TTN: variants seen among roughly 807,000 people sequenced by gnomAD.
TTN encodes connectin.
In TTN, 1,525 loss-of-function variants were observed where a neutral mutation model predicts 3,223.0. The observed-to-expected ratio is 0.47, with a 90% confidence interval of 0.45 to 0.49. The LOEUF (loss-of-function observed/expected upper bound fraction) is 0.49, where lower values mean the gene tolerates loss of function less well. TTN is among the 20% of genes least tolerant of loss of function. The probability of loss-of-function intolerance (pLI) is 0.00; values close to 1 mark genes in which losing one functional copy is unlikely to be tolerated. For missense variants in TTN, 40,786 were observed against 43,424.0 expected (o/e 0.94, Z 5.40); for synonymous variants, 14,094 against 15,161.0 (o/e 0.93, Z 5.17).
rs749986997 is a variant in TTN at position 178,614,143 on chromosome 2, A to C, written c.49254T>G (p.Asn16418Lys). Residue 16418 changes from asparagine (N) to lysine (K), a missense_variant, in exon 262 of 363, where the codon AAT becomes AAG. Coordinates refer to ENST00000589042, the MANE Select transcript of TTN (RefSeq NM_001267550.2). ...CAGCAACTCTGAAGATGTACTCTTT[A>C]TTGGGGATTAATTTGGTGGCCTTGA... ...TNFKATKLIP[N>K]KEYIFRVAAE... 1 of 1,612,382 alleles carries C rather than the reference A, an allele frequency of 6.2e-7. No homozygotes were observed. The highest frequency in any genetic ancestry group is 1.3e-5 in the African/African-American group (1 of 74,900).
In TTN at chr2:178,718,907, G is replaced by C. The variant is rs2077908653; in HGVS notation, c.24293C>G (p.Thr8098Ser). 2 of 1,613,098 alleles carry C rather than the reference G, an allele frequency of 1.2e-6. No individual in the cohort carries two copies. Among genetic ancestry groups the C allele is most frequent in the Non-Finnish European group, 1.7e-6 (2 of 1,179,572 alleles). The change falls in exon 84 of 363, where the codon ACC becomes AGC. Residue 8098 changes from threonine to serine, a missense_variant. By Grantham distance (58) the Thr-to-Ser change is moderately conservative (BLOSUM62 1). Transcript: ENST00000589042. ...AGGAGGGGTGCCTCTGATGACACTG[G>C]TGAATGTGAGGCTCATTCCAGGCAA... ...EVLPGMSLTF[T>S]SVIRGTPPFK... is the part of the protein sequence containing the mutation.
At chr2:178,558,262 G>T in intron 327 of TTN, 27 bp from the exon 328 acceptor site, 1 of 1,589,480 alleles carries the variant, frequency 6.3e-7, no homozygotes, top group Non-Finnish European at 8.5e-7. Context: ...GAAAGTGAAA[G>T]TGAAAAAGTG....
rs185683410 is a variant in TTN at position 178,532,364 on chromosome 2, C to G, written c.104251G>C (p.Ala34751Pro). 1,499 of 1,614,034 alleles carry G rather than the reference C, an allele frequency of 9.3e-4. 20 individuals carry two copies. The highest frequency in any genetic ancestry group is 2.1e-3 in the Middle Eastern group (13 of 6,062). Residue 34751 changes from alanine (A) to proline (P), a missense_variant, in exon 358 of 363, where the codon GCC becomes CCC. By Grantham distance (27) the Ala-to-Pro change is conservative. Coordinates refer to ENST00000589042, the MANE Select transcript of TTN (RefSeq NM_001267550.2). ...TTTGGCTGTCTGTACGCAGCCTGGGCATGCCGTTCCCTCAGTTCTGCATAA... is the reference window on the plus strand; with the variant it reads ...TTTGGCTGTCTGTACGCAGCCTGGGGATGCCGTTCCCTCAGTTCTGCATAA... ...TSYAELRERHAQAAYRQPKQR... is the reference protein window; with the variant it reads ...TSYAELRERHPQAAYRQPKQR...
chr2:178,804,977 T>G (rs1289174845), intron 1 of TTN, among the ~76,000 whole-genome samples: 1 of 152,058 alleles, frequency 6.6e-6, no homozygotes, highest in Non-Finnish European at 1.5e-5. Flanking sequence ...GGTTCAGAGT[T>G]GAAGAAGAAA....
chr2:178,722,341 G>A lies in TTN; in HGVS notation c.22446C>T (p.Asp7482=). Residue 7482 remains aspartate, a synonymous_variant, in exon 77 of 363, where the codon GAC becomes GAT. Coordinates refer to ENST00000589042, the MANE Select transcript of TTN (RefSeq NM_001267550.2). ...NVATLKILQT[D]LSHSGQYSCS... ...AAGAGTACTGGCCAGAGTGACTCAA[G>A]TCAGTTTGCAAAATTTTTAAAGTTG... is the stretch of plus-strand genomic sequence containing the variant. 4 of 1,613,228 alleles carry A rather than the reference G, an allele frequency of 2.5e-6. No individual in the cohort carries two copies. Among genetic ancestry groups the A allele is most frequent in the Non-Finnish European group, 3.4e-6 (4 of 1,179,504 alleles).
Position 178,568,099 on chromosome 2 carries a change from C to A in TTN, c.78033G>T (p.Trp26011Cys). ...AISKDSMVIQ[W>C]HEPVNNGGSP... is the part of the protein sequence containing the mutation. Reference sequence around the variant, plus strand: ...TTCCACCATTGTTGACTGGTTCATGCCACTGTATGACCATGGAGTCTTTGG... The same window carrying A: ...TTCCACCATTGTTGACTGGTTCATGACACTGTATGACCATGGAGTCTTTGG... Residue 26011 changes from tryptophan to cysteine, a missense_variant, in exon 326 of 363, where the codon TGG becomes TGT. Trp to Cys is a radical substitution (Grantham distance 215). Transcript: ENST00000589042. The A allele has an allele frequency of 6.2e-7, 1 of 1,613,402 alleles. No homozygotes were observed. The highest frequency in any genetic ancestry group is 1.1e-5 in the South Asian group (1 of 91,062).
chr2:178,749,457 T>C (rs1332070656), intron 47 of TTN: 2 of 1,612,850 alleles, frequency 1.2e-6, no homozygotes, highest in African/African-American at 1.3e-5. Context: ...ATTTGCTCAA[T>C]AGTCTCAAGG....
Position 178,613,833 on chromosome 2 carries a change from C to G in TTN, c.49450G>C (p.Gly16484Arg), listed in dbSNP as rs878966291. Residue 16484 changes from glycine (G) to arginine (R), a missense_variant, in exon 263 of 363, where the codon GGA becomes CGA. Transcript: ENST00000589042. ...GGATCCAGTCTTTCAACCCAGTATC[C>G]TGTGATTGGGCTGCCACCATCATCA... ...PDDDGGSPITGYWVERLDPDT... is the reference protein window; with the variant it reads ...PDDDGGSPITRYWVERLDPDT... 3 of 1,612,554 alleles carry G rather than the reference C, an allele frequency of 1.9e-6. No homozygotes were observed.
chr2:178,673,253 AG>A (rs1204568860), intron 152 of TTN, among the ~76,000 whole-genome samples: 1 of 151,874 alleles, frequency 6.6e-6, no homozygotes, highest in African/African-American at 2.4e-5. Flanking sequence ...TCCAAGCATT[AG>A]GTTTGTTCCA....
Position 178,559,946 on chromosome 2 carries a change from T to C in TTN, c.86186A>G (p.Asn28729Ser), listed in dbSNP as rs1703025837. ...ACTGGGGTCACTAGCACCAACCTTATTGACAGATTTTACTCTGAAAACATA... is the reference window on the plus strand; with the variant it reads ...ACTGGGGTCACTAGCACCAACCTTACTGACAGATTTTACTCTGAAAACATA... ...AEYVFRVKSV[N>S]KVGASDPSDS... Residue 28729 changes from asparagine (N) to serine (S), a missense_variant, in exon 326 of 363, where the codon AAT (asparagine) becomes AGT (serine). Physicochemically the swap from Asn to Ser is conservative, Grantham distance 46 (BLOSUM62 1). Transcript: ENST00000589042. The C allele has an allele frequency of 8.1e-6, 13 of 1,613,702 alleles. No individual in the cohort carries two copies. The East Asian group carries it at 2.5e-4, about 30-fold the overall frequency.
rs1559027075 is a variant in TTN at position 178,533,553 on chromosome 2, T to C, written c.103062A>G (p.Pro34354=). The part of the protein sequence containing the change: ...CKAKLTVTLH[P]PPTDSTLRPM... Reference sequence around the variant, plus strand: ...GTCTTAAGGTACTATCTGTTGGAGGTGGGTGTAGGGTTACTGTCAGCTTTG... The same window carrying C: ...GTCTTAAGGTACTATCTGTTGGAGGCGGGTGTAGGGTTACTGTCAGCTTTG... Residue 34354 remains proline, a synonymous_variant, in exon 358 of 363, where the codon CCA becomes CCG. Coordinates refer to ENST00000589042, the MANE Select transcript of TTN (RefSeq NM_001267550.2). 6.2e-7 allele frequency: 1 copy of C among 1,613,914 alleles called. No individual in the cohort carries two copies. Among genetic ancestry groups the C allele is most frequent in the Non-Finnish European group, 8.5e-7 (1 of 1,179,842 alleles).
chr2:178,686,113 A>ATTTTTTTT lies in TTN; in HGVS notation c.32312-523_32312-516dup, dbSNP rs765570520. Among the ~76,000 whole-genome samples, 668 of 77,776 alleles carry ATTTTTTTT rather than the reference A, an allele frequency of 8.6e-3. 102 individuals carry two copies. Among genetic ancestry groups the ATTTTTTTT allele is most frequent in the African/African-American group, 0.039 (590 of 15,066 alleles). The allele number at this position is 77,776 out of a possible 152,430, so 51.0% of individuals were successfully genotyped here. Reference sequence around the variant, plus strand: ...TTGAGCCTAAGTGTATACAGTTTTAATTTTTTTTTTTTTTTTTTTTTTTTT... The same window carrying ATTTTTTTT: ...TTGAGCCTAAGTGTATACAGTTTTAATTTTTTTTTTTTTTTTTTTTTTTTTTTTTTTTT... On this transcript the variant is annotated intron_variant, in intron 127 of 362. Coordinates refer to ENST00000589042, the MANE Select transcript of TTN (RefSeq NM_001267550.2).
Position 178,534,998 on chromosome 2 carries a change from T to C in TTN, c.101617A>G (p.Arg33873Gly). The change falls in exon 358 of 363, where the codon AGA (arginine) becomes GGA (glycine). Residue 33873 changes from arginine (R) to glycine (G), a missense_variant. Physicochemically the swap from Arg to Gly is moderately radical, Grantham distance 125. Coordinates refer to ENST00000589042, the MANE Select transcript of TTN (RefSeq NM_001267550.2). The part of the protein sequence containing the change: ...EISILNIARH[R>G]NILHLHESFE... Reference sequence around the variant, plus strand: ...GATTCATGGAGGTGTAAGATGTTTCTATGCCTAGCAATATTCAGAATGGAA... The same window carrying C: ...GATTCATGGAGGTGTAAGATGTTTCCATGCCTAGCAATATTCAGAATGGAA... 6.2e-7 allele frequency: 1 copy of C among 1,613,838 alleles called. No individual in the cohort carries two copies. The highest frequency in any genetic ancestry group is 1.1e-5 in the South Asian group (1 of 91,086).
chr2:178,774,942 T>C lies in TTN; in HGVS notation c.6769A>G (p.Thr2257Ala). The C allele has an allele frequency of 6.2e-7, 1 of 1,613,806 alleles. No individual in the cohort carries two copies. The highest frequency in any genetic ancestry group is 8.5e-7 in the Non-Finnish European group (1 of 1,179,876). The change falls in exon 29 of 363, where the codon ACT (threonine) becomes GCT (alanine). Residue 2257 changes from threonine to alanine, a missense_variant. Thr to Ala is a moderately conservative substitution (Grantham distance 58, BLOSUM62 0). Transcript: ENST00000589042. ...VLVEDENVKTTAKLIVEGAVV... is the reference protein window; with the variant it reads ...VLVEDENVKTAAKLIVEGAVV... ...ATACCTTCAACAATAAGTTTAGCAGTCGTTTTGACATTTTCATCTTCCACA... is the reference window on the plus strand; with the variant it reads ...ATACCTTCAACAATAAGTTTAGCAGCCGTTTTGACATTTTCATCTTCCACA...
Position 178,569,000 on chromosome 2 carries a change from G to A in TTN, c.77132C>T (p.Thr25711Ile). 1 of 1,613,328 alleles carries A rather than the reference G, an allele frequency of 6.2e-7. No homozygotes were observed. ...PPGKITVDDV[T>I]RNSVSLSWTK... ...CCAACTCAGAGAGACACTGTTTCTG[G>A]TGACATCATCCACAGTTATTTTTCC... Residue 25711 changes from threonine (T) to isoleucine (I), a missense_variant, in exon 326 of 363, where the codon ACC (threonine) becomes ATC (isoleucine). Physicochemically the swap from Thr to Ile is moderately conservative, Grantham distance 89. Transcript: ENST00000589042.
rs1029116705 is a variant in TTN at position 178,635,658 on chromosome 2, C to G, written c.41666G>C (p.Gly13889Ala). The part of the protein sequence containing the change: ...PIRDQHVKPK[G>A]TAIFACDIAK... ...TATATCACAGGCAAAAATAGCTGTC[C>G]CCTTGGGTTTCACATGCTGGTCTCG... Residue 13889 changes from glycine to alanine, a missense_variant, in exon 227 of 363, where the codon GGG becomes GCG. Coordinates refer to ENST00000589042, the MANE Select transcript of TTN (RefSeq NM_001267550.2). 5 of 1,600,530 alleles carry G rather than the reference C, an allele frequency of 3.1e-6. 1 individual carries two copies. The highest frequency in any genetic ancestry group is 1.7e-4 in the Middle Eastern group (1 of 6,044).
At position 178,715,130 on chromosome 2, in the gene TTN, C is replaced by T. The variant is rs370578197; in HGVS notation, c.26056G>A (p.Gly8686Ser). Residue 8686 changes from glycine to serine, a missense_variant, in exon 90 of 363, where the codon GGC becomes AGC. Coordinates refer to ENST00000589042, the MANE Select transcript of TTN (RefSeq NM_001267550.2). Reference protein sequence around the residue: ...WYKDKRELRSGKKYKIMSENF... With the variant: ...WYKDKRELRSSKKYKIMSENF... ...TCAGACATTATCTTGTACTTCTTGC[C>T]GCTCCTAAGTTCTCTCTTGTCTTTA... 50 of 1,613,530 alleles carry T rather than the reference C, an allele frequency of 3.1e-5. No homozygotes were observed. The highest frequency in any genetic ancestry group is 3.3e-4 in the Middle Eastern group (2 of 6,080).
chr2:178,691,962 G>T, intron 121 of TTN, 54 bp downstream of exon 121: 6 of 1,485,758 alleles, frequency 4.0e-6, no homozygotes, highest in Non-Finnish European at 1.8e-6. Context: ...ATCGTAGAAA[G>T]CAAAAGGCTG....
Position 178,568,814 on chromosome 2 carries a change from G to T in TTN, c.77318C>A (p.Ala25773Asp). The T allele has an allele frequency of 6.2e-7, 1 of 1,613,172 alleles. No homozygotes were observed. The highest frequency in any genetic ancestry group is 8.5e-7 in the Non-Finnish European group (1 of 1,179,548). Reference protein sequence around the residue: ...QGEEYLFRVVAVNEKGRSDPR... With the variant: ...QGEEYLFRVVDVNEKGRSDPR... ...ATCACTTCTCCCCTTTTCATTTACA[G>T]CAACAACTCTAAAAAGATATTCTTC... is the stretch of plus-strand genomic sequence containing the variant. Residue 25773 changes from alanine (A) to aspartate (D), a missense_variant, in exon 326 of 363, where the codon GCT becomes GAT. Coordinates refer to ENST00000589042, the MANE Select transcript of TTN (RefSeq NM_001267550.2).
Sources: gnomAD v4.1 joint callset for allele counts (sites outside exome capture counted in the v4.1 genomes callset) on GRCh38, gnomAD v4.1.1 for gene constraint, MANE v1.5 for transcripts, NCBI Gene and HGNC (gene_info 2026-07-23, HGNC 2026-07-21) for gene names.